VWF: variants seen among roughly 807,000 people sequenced by gnomAD.
VWF encodes Factor VIII related antigen.
Under a neutral mutation model 308.6 loss-of-function variants are expected in VWF, and 176 were observed. The observed-to-expected ratio is 0.57, with a 90% confidence interval of 0.50 to 0.65. VWF has a LOEUF of 0.65. VWF is among the 30% of genes least tolerant of loss of function. The pLI is 0.00. For missense variants in VWF, 3,146 were observed against 3,648.2 expected (o/e 0.86, Z 3.55); for synonymous variants, 1,385 against 1,443.4 (o/e 0.96, Z 0.92).
intron 43 of VWF, among the ~76,000 whole-genome samples, chr12:5,973,360 C>T (rs992017709): frequency 6.6e-6 from 1 of 152,310 alleles, no homozygotes; most frequent in African/African-American, 2.4e-5. Context: ...GTCTACTAGC[C>T]ACCCAACCTG....
At chr12:6,015,140 T>C (rs1003312900) in intron 31 of VWF, among the ~76,000 whole-genome samples, 8 of 152,210 alleles carry the variant, frequency 5.3e-5, no homozygotes, top group Non-Finnish European at 8.8e-5. Context: ...CCTAAAATCA[T>C]AGATTTCATA....
At chr12:6,017,777 G>A (rs1187614008) in intron 28 of VWF, among the ~76,000 whole-genome samples, 1 of 152,082 alleles carries the variant, frequency 6.6e-6, no homozygotes, top group Non-Finnish European at 1.5e-5. Flanking sequence ...TTGTATAGAC[G>A]ATATACAAAG....
At chr12:6,074,484 ACC>A (rs1944817570) in intron 7 of VWF, among the ~76,000 whole-genome samples, 1 of 124,164 alleles carries the variant, frequency 8.1e-6, no homozygotes, top group African/African-American at 4.3e-5. Flanking sequence ...ACATTCACAG[ACC>A]TAAAAAAAAA....
chr12:6,052,875 C>T (rs1171286244), intron 15 of VWF, 92 bp from the exon 16 acceptor site: 4 of 1,484,740 alleles, frequency 2.7e-6, no homozygotes, highest in Non-Finnish European at 3.6e-6. Flanking sequence ...AGCTGTGACC[C>T]CCAATTATTT....
At chr12:6,072,088 G>A (rs559360953) in intron 9 of VWF, among the ~76,000 whole-genome samples, 5 of 152,210 alleles carry the variant, frequency 3.3e-5, no homozygotes, top group African/African-American at 9.7e-5. Context: ...ATGTCTGCAC[G>A]TGAAGGATCC....
intron 3 of VWF, among the ~76,000 whole-genome samples, chr12:6,114,360 G>A (rs1008735100): frequency 1.3e-5 from 2 of 152,216 alleles, no homozygotes; most frequent in African/African-American, 2.4e-5. Context: ...CGTTCCACAG[G>A]AGGCAGAGCT....
In VWF at chr12:5,967,540, G is replaced by A. The variant is rs111619561; in HGVS notation, c.7833C>T (p.Val2611=). ...TTCRCMVQVG[V]ISGFKLECRK... ...TGCACTCCAGCTTGAATCCAGAGAT[G>A]ACCCCCACCTGCACCATGCAGCGGC... is the stretch of plus-strand genomic sequence containing the variant. Residue 2611 remains valine (V), a synonymous_variant, in exon 47 of 52, where the codon GTC becomes GTT. Coordinates refer to ENST00000261405, the MANE Select transcript of VWF (RefSeq NM_000552.5). 24 of 1,614,082 alleles carry A rather than the reference G, an allele frequency of 1.5e-5. No individual in the cohort carries two copies. The highest frequency in any genetic ancestry group is 1.1e-4 in the African/African-American group (8 of 75,008).
At position 6,031,486 on chromosome 12, in the gene VWF, G is replaced by GAA. The variant is rs1944261783; in HGVS notation, c.2777_2778insTT (p.Ile927SerfsTer16). The stretch of plus-strand genomic sequence containing the variant: ...CAATCTCTCCTCCCTCCACCAGGAT[G>GAA]GTGACCCGTTTCTTGCATTTCACTG... On this transcript the variant is annotated frameshift_variant, in exon 21 of 52. Coordinates refer to ENST00000261405, the MANE Select transcript of VWF (RefSeq NM_000552.5). LOFTEE classifies it high-confidence loss of function. The GAA allele has an allele frequency of 1.2e-6, 2 of 1,614,062 alleles. No individual in the cohort carries two copies. The highest frequency in any genetic ancestry group is 4.5e-5 in the East Asian group (2 of 44,874).
At chr12:6,003,899 T>C (rs1282002828) in intron 34 of VWF, among the ~76,000 whole-genome samples, 3 of 143,130 alleles carry the variant, frequency 2.1e-5, no homozygotes, top group Non-Finnish European at 4.5e-5. Context: ...CACTACAAGC[T>C]CCACCTCCCG....
At chr12:5,998,814 G>A (rs377176954) in intron 34 of VWF, among the ~76,000 whole-genome samples, 33 of 151,876 alleles carry the variant, frequency 2.2e-4, no homozygotes, top group African/African-American at 5.3e-4. Context: ...TGCAACCTCC[G>A]CCTCCCCGGG....
intron 5 of VWF, among the ~76,000 whole-genome samples, chr12:6,102,464 C>T (rs1279012136): frequency 7.0e-6 from 1 of 142,706 alleles, no homozygotes; most frequent in African/African-American, 2.6e-5. Context: ...AGGCAGAGCA[C>T]GTTGGCTCAC....
At chr12:6,074,475 C>T (rs897226820) in intron 7 of VWF, among the ~76,000 whole-genome samples, 1 of 133,786 alleles carries the variant, frequency 7.5e-6, no homozygotes, top group Non-Finnish European at 1.5e-5. Context: ...CCCTACCCTA[C>T]ATTCACAGAC....
chr12:6,013,792 A>G (rs1944024336), intron 31 of VWF, 147 bp from the exon 32 acceptor site: 2 of 905,616 alleles, frequency 2.2e-6, no homozygotes, highest in Non-Finnish European at 3.5e-6. Context: ...TGTTCAGTCA[A>G]CAGATATTAA....
chr12:6,024,057 T>G lies in VWF; in HGVS notation c.3223-270A>C, dbSNP rs1409256924. Among the ~76,000 whole-genome samples, 1 of 152,204 alleles carries G rather than the reference T, an allele frequency of 6.6e-6. No homozygotes were observed. The highest frequency in any genetic ancestry group is 2.4e-5 in the African/African-American group (1 of 41,454). On this transcript the variant is annotated intron_variant, in intron 24 of 51. Transcript: ENST00000261405. This position sits in a 1 kb window ranked among gnomAD's most constrained non-coding sequence, Gnocchi z 4.0. ...GCCTGAGGATTTTCCAGAAGAACAT[T>G]CCCTCTGTCCCTCTGCCTACCTCCC...
At chr12:6,101,468 A>T (rs546777359) in intron 5 of VWF, among the ~76,000 whole-genome samples, 64 of 152,284 alleles carry the variant, frequency 4.2e-4, no homozygotes, top group Admixed American at 1.4e-3. Context: ...GGTAAAGATT[A>T]AAAAAGGGAT....
At position 6,018,716 on chromosome 12, in the gene VWF, T is replaced by C; in HGVS notation, c.4702A>G (p.Ile1568Val). The C allele has an allele frequency of 1.2e-6, 2 of 1,613,492 alleles. No homozygotes were observed. Among genetic ancestry groups the C allele is most frequent in the South Asian group, 1.1e-5 (1 of 91,070 alleles). The change falls in exon 28 of 52, where the codon ATC becomes GTC. Residue 1568 changes from isoleucine (I) to valine (V), a missense_variant. Ile to Val is a conservative substitution (Grantham distance 29). Around this residue, in one of 3 missense-constraint regions of VWF, gnomAD observed 853 missense variants for 1,177.8 expected, o/e 0.72. Coordinates refer to ENST00000261405, the MANE Select transcript of VWF (RefSeq NM_000552.5). ...GTCCTGTTGCCGCCCTGGTAGCGGA[T>C]CTCTCGCACCCGCTGCAGGATGTCC... is the stretch of plus-strand genomic sequence containing the variant. Reference protein sequence around the residue: ...KGDILQRVREIRYQGGNRTNT... With the variant: ...KGDILQRVREVRYQGGNRTNT...
intron 18 of VWF, among the ~76,000 whole-genome samples, chr12:6,037,530 TA>T (rs964246079): frequency 6.6e-5 from 10 of 151,918 alleles, no homozygotes; most frequent in African/African-American, 2.4e-4. Context: ...GCTGAGAAAA[TA>T]AAAGAACTAA....
At chr12:6,037,060 A>G (rs181670932) in intron 18 of VWF, among the ~76,000 whole-genome samples, 3 of 152,340 alleles carry the variant, frequency 2.0e-5, no homozygotes, top group Admixed American at 1.3e-4. Context: ...GAAGTGAGAA[A>G]TACTTATGCT....
At chr12:5,977,551 T>C (rs1263840533) in intron 42 of VWF, among the ~76,000 whole-genome samples, 4 of 152,198 alleles carry the variant, frequency 2.6e-5, no homozygotes, top group Non-Finnish European at 5.9e-5. Flanking sequence ...AATTCAGTTA[T>C]ATTTTCAAAA....
Sources: gnomAD v4.1 joint callset for allele counts (sites outside exome capture counted in the v4.1 genomes callset) on GRCh38, gnomAD v4.1.1 for gene constraint, gnomAD v4.1.1 regional missense constraint, Gnocchi (gnomAD v3.1) non-coding constraint, MANE v1.5 for transcripts, NCBI Gene and HGNC (gene_info 2026-07-23, HGNC 2026-07-21) for gene names.